SH3RF1: variants seen among roughly 807,000 people sequenced by gnomAD.
The protein encoded by SH3RF1 is E3 ubiquitin-protein ligase SH3RF1.
SH3RF1 carries 32 observed loss-of-function variants against 74.0 expected under a neutral mutation model. That is an observed-to-expected ratio of 0.43 (90% CI 0.33 to 0.58). The LOEUF is 0.58. SH3RF1 is among the 20% of genes least tolerant of loss of function. The pLI, the probability that SH3RF1 is intolerant of heterozygous loss-of-function variation, is 0.05. For synonymous variants in SH3RF1, 396 were observed against 439.6 expected, an observed-to-expected ratio of 0.90 and a Z score of 1.24; for missense variants, 954 against 1,130.9, an observed-to-expected ratio of 0.84 and a Z score of 2.24.
Position 169,122,616 on chromosome 4 carries a change from C to T in SH3RF1, c.1180-350G>A, listed in dbSNP as rs963831568. Reference sequence around the variant, plus strand: ...ACAAGGATCCAAATGCCTTTCGAGGCGGGTAGCCATGTCATGCTGCTTGCT... The same window carrying T: ...ACAAGGATCCAAATGCCTTTCGAGGTGGGTAGCCATGTCATGCTGCTTGCT... On this transcript the variant is annotated intron_variant, in intron 6 of 11. Transcript: ENST00000284637. 8.5e-5 allele frequency among the ~76,000 whole-genome samples: 13 copies of T among 152,246 alleles called. No individual in the cohort carries two copies. The East Asian group carries it at 1.4e-3, about 16-fold the overall frequency.
At chr4:169,164,435 T>C (rs1212940154) in intron 2 of SH3RF1, among the ~76,000 whole-genome samples, 1 of 152,234 alleles carries the variant, frequency 6.6e-6, no homozygotes, top group Non-Finnish European at 1.5e-5. Flanking sequence ...CATATTTATG[T>C]GTCTCTGGGA....
At chr4:169,149,443 C>A (rs900131543) in intron 4 of SH3RF1, among the ~76,000 whole-genome samples, 2 of 152,100 alleles carry the variant, frequency 1.3e-5, no homozygotes, top group East Asian at 1.9e-4. Flanking sequence ...AAACCTACAC[C>A]ATGGGACATA....
chr4:169,104,719 T>C (rs1293618617), intron 11 of SH3RF1, among the ~76,000 whole-genome samples: 1 of 152,046 alleles, frequency 6.6e-6, no homozygotes, highest in Non-Finnish European at 1.5e-5. Flanking sequence ...CTGGCCAAGA[T>C]GGCAAAACCC....
At chr4:169,252,285 G>C (rs1306944183) in intron 2 of SH3RF1, among the ~76,000 whole-genome samples, 1 of 152,200 alleles carries the variant, frequency 6.6e-6, no homozygotes, top group East Asian at 1.9e-4. Flanking sequence ...AGGACACAGA[G>C]TTGCTAAAAT....
At chr4:169,218,745 T>C (rs1730507831) in intron 2 of SH3RF1, among the ~76,000 whole-genome samples, 1 of 151,898 alleles carries the variant, frequency 6.6e-6, no homozygotes, top group Non-Finnish European at 1.5e-5. Flanking sequence ...AGTGCTGAAA[T>C]ACATATACAG....
At chr4:169,249,005 A>G (rs1731054598) in intron 2 of SH3RF1, among the ~76,000 whole-genome samples, 1 of 152,206 alleles carries the variant, frequency 6.6e-6, no homozygotes, top group Non-Finnish European at 1.5e-5. Context: ...AGGTGGGCAG[A>G]TCACGAGGTC....
rs375778951 is a variant in SH3RF1, at chr4:169,123,019, A to G, written c.1180-753T>C. On this transcript the variant is annotated intron_variant, in intron 6 of 11. Transcript: ENST00000284637. ...ACCCAGATAATTCTTTAGGGTCTGT[A>G]TACTGAAACTCTTGGGAAAACAGGC... Among the ~76,000 whole-genome samples the G allele has an allele frequency of 9.6e-4, 146 of 152,288 alleles. 3 individuals are homozygous for G. In the South Asian group the frequency reaches 0.029, roughly 30 times the overall value.
chr4:169,146,945 A>T (rs1339075831), intron 4 of SH3RF1, among the ~76,000 whole-genome samples: 1 of 152,212 alleles, frequency 6.6e-6, no homozygotes, highest in Non-Finnish European at 1.5e-5. Context: ...AAAGGAAGAA[A>T]AACCCTTCCC....
intron 2 of SH3RF1, 139 bp downstream of exon 2, chr4:169,268,681 C>G: frequency 1.2e-6 from 1 of 833,062 alleles, no homozygotes; most frequent in South Asian, 3.4e-5. Context: ...AAAAAATATT[C>G]AGAGGTATAA....
At chr4:169,259,490 A>G (rs1414316310) in intron 2 of SH3RF1, among the ~76,000 whole-genome samples, 1 of 152,198 alleles carries the variant, frequency 6.6e-6, no homozygotes, top group Non-Finnish European at 1.5e-5. Flanking sequence ...AACTGCTACC[A>G]TCCTCTTGAC....
At chr4:169,207,058 A>C (rs747549693) in intron 2 of SH3RF1, among the ~76,000 whole-genome samples, 4 of 152,086 alleles carry the variant, frequency 2.6e-5, no homozygotes, top group Non-Finnish European at 5.9e-5. Context: ...TCCCAGGCTC[A>C]AGCTATCCTC....
At chr4:169,216,415 G>C (rs1469990578) in intron 2 of SH3RF1, among the ~76,000 whole-genome samples, 1 of 152,022 alleles carries the variant, frequency 6.6e-6, no homozygotes, top group African/African-American at 2.4e-5. Context: ...TTTTTTTCTA[G>C]AAGATTTTGA....
intron 2 of SH3RF1, among the ~76,000 whole-genome samples, chr4:169,238,080 A>G (rs1730848541): frequency 6.6e-6 from 1 of 152,186 alleles, no homozygotes; most frequent in South Asian, 2.1e-4. Flanking sequence ...CATTGGCTAT[A>G]AATTTCCAGC....
chr4:169,262,484 T>C (rs528773164), intron 2 of SH3RF1, among the ~76,000 whole-genome samples: 1 of 152,196 alleles, frequency 6.6e-6, no homozygotes, highest in Non-Finnish European at 1.5e-5. Flanking sequence ...CTGGCCAACA[T>C]GGTGAAAACC....
intron 4 of SH3RF1, among the ~76,000 whole-genome samples, chr4:169,138,495 G>A (rs1436305248): frequency 6.6e-6 from 1 of 152,202 alleles, no homozygotes; most frequent in Non-Finnish European, 1.5e-5. Context: ...ACAAATCTTT[G>A]AAAGTGCAAA....
intron 2 of SH3RF1, among the ~76,000 whole-genome samples, chr4:169,256,068 T>A (rs922272662): frequency 2.6e-5 from 4 of 152,172 alleles, no homozygotes; most frequent in African/African-American, 9.7e-5. Context: ...ATGCCTGGGC[T>A]CCTTAAATTT....
chr4:169,154,664 A>G (rs552416731), intron 4 of SH3RF1, among the ~76,000 whole-genome samples: 36 of 152,160 alleles, frequency 2.4e-4, no homozygotes, highest in Non-Finnish European at 4.7e-4. Flanking sequence ...CATCACACAG[A>G]TATCTACTAA....
intron 9 of SH3RF1, among the ~76,000 whole-genome samples, chr4:169,117,083 C>A (rs1733348848): frequency 6.6e-6 from 1 of 152,204 alleles, no homozygotes; most frequent in Non-Finnish European, 1.5e-5. Flanking sequence ...TTACCCAAGA[C>A]TCTTGGGAAG....
chr4:169,117,824 C>G, intron 8 of SH3RF1, 42 bp from the exon 9 acceptor site: 1 of 1,575,276 alleles, frequency 6.3e-7, no homozygotes, highest in Non-Finnish European at 8.7e-7. Context: ...AGTCCATCAG[C>G]AAAATGACAG....
Sources: allele counts gnomAD v4.1 joint callset (sites outside exome capture counted in the v4.1 genomes callset), GRCh38; gene constraint gnomAD v4.1.1; transcripts MANE v1.5; gene names NCBI Gene and HGNC (gene_info 2026-07-23, HGNC 2026-07-21).